PRDM9: variants seen among roughly 807,000 people sequenced by gnomAD.
The protein encoded by PRDM9 is PR/SET domain 9.
Under a neutral mutation model 55.6 loss-of-function variants are expected in PRDM9, and 47 were observed. The ratio of observed to expected loss-of-function variants is 0.85; its 90% CI spans 0.67 to 1.08. PRDM9 has a LOEUF of 1.08. PRDM9 is among the 50% of genes least tolerant of loss of function. The pLI is 0.00. For synonymous variants in PRDM9, 312 were observed against 375.7 expected (o/e 0.83, Z 1.96); for missense variants, 867 against 1,040.3 (o/e 0.83, Z 2.29).
chr5:23,515,087 C>T (rs1040392082), intron 4 of PRDM9, among the ~76,000 whole-genome samples: 23 of 151,940 alleles, frequency 1.5e-4, no homozygotes, highest in African/African-American at 5.3e-4. Context: ...CCTCAGCCTC[C>T]CGAGTAGCTG....
rs547157177 is a variant in PRDM9 at position 23,524,540 on chromosome 5, A to G, written c.1144+13A>G. The G allele has an allele frequency of 3.1e-6, 5 of 1,613,540 alleles. No individual in the cohort carries two copies. The highest frequency in any genetic ancestry group is 3.3e-5 in the Admixed American group (2 of 60,002). On this transcript the variant is annotated intron_variant, in intron 10 of 10. Transcript: ENST00000296682. ...ATGGCAGGGAGAGGTAGGCATCACT[A>G]TTACTCTTTTAAAAGGACAGGAAAG...
At chr5:23,523,034 C>T in intron 8 of PRDM9, 149 bp downstream of exon 8, 6 of 1,431,248 alleles carry the variant, frequency 4.2e-6, no homozygotes, top group Non-Finnish European at 5.9e-6. Flanking sequence ...ACACGGAACT[C>T]CTATTTAGAG....
At chr5:23,511,303 A>G (rs1384093036) in intron 4 of PRDM9, among the ~76,000 whole-genome samples, 1 of 152,182 alleles carries the variant, frequency 6.6e-6, no homozygotes, top group Non-Finnish European at 1.5e-5. Flanking sequence ...ATATACAGTA[A>G]GAGGTTATTC....
chr5:23,522,650 G>A lies in PRDM9; in HGVS notation c.647G>A (p.Cys216Tyr). ...EMCQNFFIDSCAAHGPPTFVK... is the reference protein window; with the variant it reads ...EMCQNFFIDSYAAHGPPTFVK... ...TGTCAGAACTTCTTCATTGACAGCT[G>A]TGCTGCCCATGGGCCCCCTACATTT... Residue 216 changes from cysteine (C) to tyrosine (Y), a missense_variant, in exon 8 of 11, where the codon TGT becomes TAT. Coordinates refer to ENST00000296682, the MANE Select transcript of PRDM9 (RefSeq NM_020227.4). The A allele has an allele frequency of 6.2e-7, 1 of 1,614,198 alleles. No homozygotes were observed. Among genetic ancestry groups the A allele is most frequent in the Non-Finnish European group, 8.5e-7 (1 of 1,180,036 alleles).
At position 23,526,633 on chromosome 5, in the gene PRDM9, G is replaced by A; in HGVS notation, c.1545G>A (p.Gly515=). The stretch of plus-strand genomic sequence containing the variant: ...GGAACACAGGCAAATTATTTGTGGG[G>A]GTAGGAATCTCAAGAATTGCAAAAG... ...NPGNTGKLFV[G]VGISRIAKVK... is the part of the protein sequence containing the mutation. Residue 515 remains glycine (G), a synonymous_variant, in exon 11 of 11, where the codon GGG becomes GGA. Coordinates refer to ENST00000296682, the MANE Select transcript of PRDM9 (RefSeq NM_020227.4). The A allele has an allele frequency of 3.1e-6, 5 of 1,614,212 alleles. No homozygotes were observed. The highest frequency in any genetic ancestry group is 4.2e-6 in the Non-Finnish European group (5 of 1,180,044).
At position 23,527,505 on chromosome 5, in the gene PRDM9, G is replaced by C; in HGVS notation, c.2417G>C (p.Cys806Ser). 6.3e-7 allele frequency: 1 copy of C among 1,577,810 alleles called. No individual in the cohort carries two copies. Among genetic ancestry groups the C allele is most frequent in the Non-Finnish European group, 8.6e-7 (1 of 1,167,890 alleles). ...CACACAGGGGAGAAGCCCTATGTCT[G>C]CAGGGAGTGTGGGCGGGGCTTTAGC... ...RTHTGEKPYV[C>S]RECGRGFSNK... Residue 806 changes from cysteine to serine, a missense_variant, in exon 11 of 11, where the codon TGC becomes TCC. Cys to Ser is a moderately radical substitution (Grantham distance 112). This residue lies in a region of PRDM9 where 92 missense variants were observed against 185.7 expected (regional missense o/e 0.50). Coordinates refer to ENST00000296682, the MANE Select transcript of PRDM9 (RefSeq NM_020227.4).
Position 23,526,764 on chromosome 5 carries a change from G to A in PRDM9, c.1676G>A (p.Arg559Gln), listed in dbSNP as rs1431161549. ...CTCTACGTCTGCAGGGAGTGTGGGC[G>A]GGGCTTTAGCTGGAAGTCACACCTC... ...EKLYVCRECG[R>Q]GFSWKSHLLI... The change falls in exon 11 of 11, where the codon CGG (arginine) becomes CAG (glutamine). Residue 559 changes from arginine to glutamine, a missense_variant. Physicochemically the swap from Arg to Gln is conservative, Grantham distance 43 (BLOSUM62 1). This residue lies in a region of PRDM9 where 662 missense variants were observed against 711.9 expected (regional missense o/e 0.93). Coordinates refer to ENST00000296682, the MANE Select transcript of PRDM9 (RefSeq NM_020227.4). The A allele has an allele frequency of 4.4e-6, 7 of 1,589,866 alleles. No homozygotes were observed. The highest frequency in any genetic ancestry group is 1.1e-5 in the South Asian group (1 of 88,710).
At chr5:23,514,122 C>T (rs149553125) in intron 4 of PRDM9, among the ~76,000 whole-genome samples, 246 of 152,312 alleles carry the variant, frequency 1.6e-3, no homozygotes, top group African/African-American at 5.7e-3. Flanking sequence ...TGATGTTAAG[C>T]ATATTTTTAT....
intron 8 of PRDM9, among the ~76,000 whole-genome samples, 185 bp from the exon 9 acceptor site, chr5:23,523,106 C>T (rs1423643624): frequency 6.6e-6 from 1 of 152,206 alleles, no homozygotes; most frequent in Non-Finnish European, 1.5e-5. Context: ...CCCTGTGGAG[C>T]TTCTGCTCTG....
chr5:23,516,272 T>C lies in PRDM9; in HGVS notation c.302-1609T>C, dbSNP rs574714784. ...ATTATTCTATTCTTTTTGATGCTAT[T>C]GTGGTTGGGATATTTTTCTTAATTT... On this transcript the variant is annotated intron_variant, in intron 4 of 10. Coordinates refer to ENST00000296682, the MANE Select transcript of PRDM9 (RefSeq NM_020227.4). Among the ~76,000 whole-genome samples, 5 of 152,190 alleles carry C rather than the reference T, an allele frequency of 3.3e-5. 1 individual carries two copies. Among genetic ancestry groups the C allele is most frequent in the African/African-American group, 1.2e-4 (5 of 41,426 alleles).
At chr5:23,511,314 A>G (rs1380340215) in intron 4 of PRDM9, among the ~76,000 whole-genome samples, 2 of 151,532 alleles carry the variant, frequency 1.3e-5, no homozygotes, top group Non-Finnish European at 2.9e-5. Flanking sequence ...GAGGTTATTC[A>G]TATAACGTTT....
chr5:23,527,556 A>G lies in PRDM9; in HGVS notation c.2468A>G (p.Gln823Arg). 1 of 1,578,448 alleles carries G rather than the reference A, an allele frequency of 6.3e-7. No homozygotes were observed. Among genetic ancestry groups the G allele is most frequent in the Non-Finnish European group, 8.6e-7 (1 of 1,169,196 alleles). ...FSNKSHLLRHQRTHTGEKPYV... is the reference protein window; with the variant it reads ...FSNKSHLLRHRRTHTGEKPYV... ...AATAAGTCACACCTCCTCAGACACC[A>G]GAGGACACACACAGGGGAGAAGCCC... is the stretch of plus-strand genomic sequence containing the variant. The change falls in exon 11 of 11, where the codon CAG becomes CGG. Residue 823 changes from glutamine to arginine, a missense_variant. Transcript: ENST00000296682.
chr5:23,509,697 C>G (rs1211884563), intron 3 of PRDM9, 104 bp downstream of exon 3: 38 of 1,585,522 alleles, frequency 2.4e-5, no homozygotes, highest in Non-Finnish European at 3.1e-5. Flanking sequence ...CCACAATTCC[C>G]TTTTTCATGT....
intron 5 of PRDM9, among the ~76,000 whole-genome samples, chr5:23,519,930 A>G (rs920277674): frequency 1.3e-5 from 2 of 151,540 alleles, no homozygotes; most frequent in Non-Finnish European, 2.9e-5. Flanking sequence ...TGTAATCCCA[A>G]CTACTCAGGA....
chr5:23,522,626 G>A lies in PRDM9; in HGVS notation c.623G>A (p.Cys208Tyr), dbSNP rs777318809. The change falls in exon 8 of 11, where the codon TGT becomes TAT. Residue 208 changes from cysteine (C) to tyrosine (Y), a missense_variant. Transcript: ENST00000296682. ...QDDDYLYCEM[C>Y]QNFFIDSCAA... ...CCCTCACTTCCAGATTGTGAGATGT[G>A]TCAGAACTTCTTCATTGACAGCTGT... 41 of 1,614,076 alleles carry A rather than the reference G, an allele frequency of 2.5e-5. No individual in the cohort carries two copies. Among genetic ancestry groups the A allele is most frequent in the Non-Finnish European group, 5.1e-6 (6 of 1,180,052 alleles).
At position 23,522,773 on chromosome 5, in the gene PRDM9, G is replaced by A. The variant is rs1343072521; in HGVS notation, c.770G>A (p.Gly257Glu). Reference sequence around the variant, plus strand: ...GGGCCATCAGGCATCCCTCAGGCTGGGCTTGGAGTATGGAATGAGGCATCT... The same window carrying A: ...GGGCCATCAGGCATCCCTCAGGCTGAGCTTGGAGTATGGAATGAGGCATCT... Reference protein sequence around the residue: ...RIGPSGIPQAGLGVWNEASDL... With the variant: ...RIGPSGIPQAELGVWNEASDL... Residue 257 changes from glycine to glutamate, a missense_variant, in exon 8 of 11, where the codon GGG (glycine) becomes GAG (glutamate). By Grantham distance (98) the Gly-to-Glu change is moderately conservative (BLOSUM62 -2). Coordinates refer to ENST00000296682, the MANE Select transcript of PRDM9 (RefSeq NM_020227.4). 8 of 1,614,206 alleles carry A rather than the reference G, an allele frequency of 5.0e-6. No homozygotes were observed. The highest frequency in any genetic ancestry group is 6.8e-6 in the Non-Finnish European group (8 of 1,180,032).
intron 5 of PRDM9, among the ~76,000 whole-genome samples, chr5:23,519,959 G>A (rs1380173337): frequency 2.0e-5 from 3 of 151,710 alleles, no homozygotes; most frequent in South Asian, 2.1e-4. Context: ...CAGGAGAATC[G>A]CTTGAACCCG....
intron 4 of PRDM9, among the ~76,000 whole-genome samples, chr5:23,516,934 CA>C: frequency 1.3e-5 from 2 of 149,182 alleles, no homozygotes; most frequent in Non-Finnish European, 3.0e-5. Context: ...GTCAGGAGAT[CA>C]AGACCATCCT....
intron 4 of PRDM9, among the ~76,000 whole-genome samples, chr5:23,513,476 C>A (rs1366371773): frequency 6.6e-6 from 1 of 152,120 alleles, no homozygotes; most frequent in Non-Finnish European, 1.5e-5. Context: ...TGCACACTTA[C>A]GCTTCCACCA....
Sources: allele counts gnomAD v4.1 joint callset (sites outside exome capture counted in the v4.1 genomes callset), GRCh38; gene constraint gnomAD v4.1.1; regional missense constraint gnomAD v4.1.1; transcripts MANE v1.5; gene names NCBI Gene and HGNC (gene_info 2026-07-23, HGNC 2026-07-21).